Variants in GPBP1 observed in about 807,000 individuals in gnomAD.
GPBP1 encodes GC-rich promoter binding protein 1, also known as vasculin.
A neutral mutation model predicts 56.5 loss-of-function variants in GPBP1; 13 were observed. The ratio of observed to expected loss-of-function variants is 0.23; its 90% confidence interval spans 0.15 to 0.37. The LOEUF is 0.37. GPBP1 is among the 10% of genes least tolerant of loss of function. GPBP1 has a pLI of 1.00. For missense variants in GPBP1, 477 were observed against 572.3 expected (o/e 0.83, Z 1.70); for synonymous variants, 204 against 188.9 (o/e 1.08, Z -0.66).
chr5:57,221,490 C>T lies in GPBP1; in HGVS notation c.63+7297C>T, dbSNP rs1755957778. 7.6e-6 allele frequency: 6 copies of T among 784,354 alleles called. No individual in the cohort carries two copies. In the Middle Eastern group the frequency reaches 7.8e-4, roughly 102 times the overall value. The allele number at this position is 784,354 out of a possible 1,614,324, so 48.6% of individuals were successfully genotyped here. On this transcript the variant is annotated intron_variant, in intron 3 of 11. Transcript: ENST00000506184. ...ATGCTAGGAAGGATGACAAAATAAT[C>T]CCTGTAAACAGGATGCTGTATCTTC...
intron 2 of GPBP1, among the ~76,000 whole-genome samples, chr5:57,185,623 T>G (rs1754251399): frequency 1.3e-5 from 2 of 152,234 alleles, no homozygotes; most frequent in Middle Eastern, 6.8e-3. Flanking sequence ...GCATTATGTC[T>G]TTAATTTGCA....
At chr5:57,205,568 A>G (rs1017778792) in intron 2 of GPBP1, among the ~76,000 whole-genome samples, 5 of 148,314 alleles carry the variant, frequency 3.4e-5, no homozygotes, top group South Asian at 2.1e-4. Flanking sequence ...CATCTTTGCT[A>G]ACATTTATTT....
chr5:57,212,384 C>T (rs6861558), intron 2 of GPBP1, among the ~76,000 whole-genome samples: 20,461 of 152,136 alleles, frequency 0.13, 1,788 homozygotes, highest in East Asian at 0.3. Flanking sequence ...TTCATTGTTA[C>T]TCCACAAGAC....
At chr5:57,205,775 A>AT (rs1434626072) in intron 2 of GPBP1, among the ~76,000 whole-genome samples, 1 of 151,760 alleles carries the variant, frequency 6.6e-6, no homozygotes, top group African/African-American at 2.4e-5. Context: ...TTATTTATAT[A>AT]TTTTTTGAGA....
At chr5:57,194,876 C>G (rs185381984) in intron 2 of GPBP1, among the ~76,000 whole-genome samples, 1 of 152,282 alleles carries the variant, frequency 6.6e-6, no homozygotes, top group East Asian at 1.9e-4. Flanking sequence ...CATATACATA[C>G]CATGTTTTCT....
At chr5:57,237,226 T>G (rs927635684) in intron 6 of GPBP1, 1 of 1,135,408 alleles carries the variant, frequency 8.8e-7, no homozygotes, top group African/African-American at 1.5e-5. Flanking sequence ...CATAAGAATA[T>G]AGAACCACCT....
intron 3 of GPBP1, among the ~76,000 whole-genome samples, chr5:57,221,609 CAAA>C (rs1443584156): frequency 2.6e-5 from 4 of 151,812 alleles, no homozygotes; most frequent in African/African-American, 9.7e-5. Context: ...TCTTTTTAAA[CAAA>C]AAATGTGGTG....
At chr5:57,180,526 A>G (rs1753995162) in intron 2 of GPBP1, among the ~76,000 whole-genome samples, 1 of 152,162 alleles carries the variant, frequency 6.6e-6, no homozygotes, top group South Asian at 2.1e-4. Flanking sequence ...ATGTTTAGGT[A>G]ACGTTTAGAT....
chr5:57,177,402 G>T (rs906311043), intron 2 of GPBP1, among the ~76,000 whole-genome samples: 7 of 151,692 alleles, frequency 4.6e-5, no homozygotes, highest in African/African-American at 1.7e-4. Context: ...TAATTTTTAG[G>T]CAGTTAATAT....
intron 6 of GPBP1, among the ~76,000 whole-genome samples, chr5:57,240,613 C>T (rs1740781145): frequency 1.3e-5 from 2 of 152,138 alleles, no homozygotes; most frequent in African/African-American, 4.8e-5. Flanking sequence ...ATTTTGGGCA[C>T]ATTGCTTAAT....
In GPBP1 at chr5:57,246,280, G is replaced by A; in HGVS notation, c.479-20G>A. On this transcript the variant is annotated intron_variant, in intron 6 of 11. Transcript: ENST00000506184. ...AACTTGAAATTGTGAGTGACTCTTGGTCATGCTTTATTTATGCAGAATATC... is the reference window on the plus strand; with the variant it reads ...AACTTGAAATTGTGAGTGACTCTTGATCATGCTTTATTTATGCAGAATATC... 6.3e-7 allele frequency: 1 copy of A among 1,589,454 alleles called. No homozygotes were observed. The highest frequency in any genetic ancestry group is 8.6e-7 in the Non-Finnish European group (1 of 1,164,250).
At chr5:57,199,097 C>G (rs1005153099) in intron 2 of GPBP1, among the ~76,000 whole-genome samples, 3 of 152,174 alleles carry the variant, frequency 2.0e-5, no homozygotes, top group African/African-American at 7.2e-5. Context: ...GCGGGGTACA[C>G]TTAGTACAGT....
chr5:57,194,420 G>A (rs1407044870), intron 2 of GPBP1, among the ~76,000 whole-genome samples: 1 of 152,046 alleles, frequency 6.6e-6, no homozygotes, highest in Non-Finnish European at 1.5e-5. Context: ...ATGAATAATA[G>A]TTACACATAT....
At chr5:57,244,619 AT>A (rs1335468218) in intron 6 of GPBP1, among the ~76,000 whole-genome samples, 2 of 151,822 alleles carry the variant, frequency 1.3e-5, no homozygotes, top group South Asian at 2.1e-4. Flanking sequence ...AATGTCAAGA[AT>A]TTTTTTTATA....
intron 6 of GPBP1, chr5:57,245,645 C>A (rs1337217251): frequency 6.6e-6 from 1 of 152,212 alleles, no homozygotes; most frequent in East Asian, 1.9e-4. Flanking sequence ...TTTTTGGCAA[C>A]TGCAGTAGTC....
chr5:57,178,278 C>T (rs1753885265), intron 2 of GPBP1, among the ~76,000 whole-genome samples: 2 of 152,148 alleles, frequency 1.3e-5, no homozygotes, highest in Admixed American at 1.3e-4. Flanking sequence ...GACTCTTGCT[C>T]TGTCGCGTGC....
chr5:57,233,797 T>C (rs1310061581), intron 5 of GPBP1, among the ~76,000 whole-genome samples: 1 of 152,196 alleles, frequency 6.6e-6, no homozygotes, highest in Non-Finnish European at 1.5e-5. Flanking sequence ...ACTTGTGTTG[T>C]TCAAGGTTCA....
At chr5:57,178,618 A>C (rs1259990835) in intron 2 of GPBP1, among the ~76,000 whole-genome samples, 2 of 152,248 alleles carry the variant, frequency 1.3e-5, no homozygotes, top group African/African-American at 4.8e-5. Flanking sequence ...ATTACTCCAG[A>C]GATCAGAGTT....
chr5:57,264,583 A>G lies in GPBP1; in HGVS notation c.*1831A>G, dbSNP rs577608350. 1.3e-5 allele frequency: 2 copies of G among 152,298 alleles called. No homozygotes were observed. Among genetic ancestry groups the G allele is most frequent in the South Asian group, 4.1e-4 (2 of 4,830 alleles). The allele number at this position is 152,298 out of a possible 1,614,324, so 9.4% of individuals were successfully genotyped here. ...GTTTTTTCTGCCTTAATTCCCATTT[A>G]CCAGCAGTTAACTCATGTTTATTGT... On this transcript the variant is annotated 3_prime_UTR_variant, in exon 12 of 12. Transcript: ENST00000506184.
Sources: gnomAD v4.1 joint callset for allele counts (sites outside exome capture counted in the v4.1 genomes callset) on GRCh38, gnomAD v4.1.1 for gene constraint, MANE v1.5 for transcripts, NCBI Gene and HGNC (gene_info 2026-07-23, HGNC 2026-07-21) for gene names.